Variants in GLT8D2 observed in about 807,000 individuals in gnomAD.
GLT8D2 encodes glycosyltransferase 8 domain containing 2, also known as glycosyltransferase 8 domain-containing protein 2.
Under a neutral mutation model 44.5 loss-of-function variants are expected in GLT8D2, and 45 were observed. The observed-to-expected ratio is 1.01, with a 90% CI of 0.80 to 1.30. The LOEUF (loss-of-function observed/expected upper bound fraction) is 1.30, where lower values mean the gene tolerates loss of function less well. Among genes scored for constraint, GLT8D2 ranks in the 50% most tolerant of loss-of-function variants. The probability of loss-of-function intolerance (pLI) is 0.00; values close to 1 mark genes in which losing one functional copy is unlikely to be tolerated. For missense variants in GLT8D2, 400 were observed against 430.4 expected, an observed-to-expected ratio of 0.93 and a Z score of 0.62; for synonymous variants, 156 against 157.2, an observed-to-expected ratio of 0.99 and a Z score of 0.06.
chr12:104,036,287 C>T (rs1170304887), intron 1 of GLT8D2, among the ~76,000 whole-genome samples: 1 of 152,190 alleles, frequency 6.6e-6, no homozygotes, highest in African/African-American at 2.4e-5. Flanking sequence ...ATCATAATGA[C>T]AGGATCAAAT....
intron 6 of GLT8D2, among the ~76,000 whole-genome samples, chr12:103,998,241 T>C (rs1873734345): frequency 6.6e-6 from 1 of 151,644 alleles, no homozygotes; most frequent in Non-Finnish European, 1.5e-5. Context: ...CTTTTTTTTT[T>C]TTTTCTTTTT....
chr12:104,029,892 C>T (rs1302364494), intron 1 of GLT8D2: 2 of 151,998 alleles, frequency 1.3e-5, no homozygotes, highest in African/African-American at 4.8e-5. Flanking sequence ...AAAGAATCAA[C>T]ATTGTCAAAA....
upstream of GLT8D2, among the ~76,000 whole-genome samples, chr12:104,054,281 T>G (rs1468346587): frequency 6.6e-6 from 1 of 152,156 alleles, no homozygotes; most frequent in African/African-American, 2.4e-5. Flanking sequence ...TTTTTCTGTA[T>G]CTGGCTTATT....
At chr12:104,016,296 A>T (rs1295473394) in intron 3 of GLT8D2, among the ~76,000 whole-genome samples, 1 of 152,084 alleles carries the variant, frequency 6.6e-6, no homozygotes, top group Non-Finnish European at 1.5e-5. Flanking sequence ...ACATGTTCTT[A>T]GCCATTATGA....
intron 1 of GLT8D2, among the ~76,000 whole-genome samples, chr12:104,063,712 C>A (rs1882899649): frequency 1.3e-5 from 2 of 151,838 alleles, no homozygotes; most frequent in South Asian, 4.2e-4. Context: ...TTTTTCAACA[C>A]CTCTCCTTTG....
intron 5 of GLT8D2, among the ~76,000 whole-genome samples, chr12:103,999,879 ATAT>A (rs1287295421): frequency 6.6e-6 from 1 of 152,184 alleles, no homozygotes; most frequent in Non-Finnish European, 1.5e-5. Flanking sequence ...CAGCTCTGAA[ATAT>A]TATGAAACAG....
intron 4 of GLT8D2, chr12:104,012,771 C>T (rs1459317471): frequency 1.4e-6 from 1 of 693,790 alleles, no homozygotes; most frequent in East Asian, 2.7e-5. Context: ...TTTAAAAAGG[C>T]AAATAAGTTA....
intron 1 of GLT8D2, among the ~76,000 whole-genome samples, chr12:104,024,664 G>A (rs1878327361): frequency 6.6e-6 from 1 of 152,064 alleles, no homozygotes. Context: ...CTTTTTGTGT[G>A]TTTATTTACC....
intron 1 of GLT8D2, among the ~76,000 whole-genome samples, chr12:104,062,085 G>T (rs575763325): frequency 6.6e-6 from 1 of 151,504 alleles, no homozygotes; most frequent in South Asian, 2.1e-4. Flanking sequence ...TTGTTTGTTT[G>T]TTTTTTAGAC....
At position 104,021,933 on chromosome 12, in the gene GLT8D2, GAA is replaced by G. The variant is rs1877794563; in HGVS notation, c.-163-444_-163-443del. Among the ~76,000 whole-genome samples the G allele has an allele frequency of 3.6e-4, 9 of 24,860 alleles. No individual in the cohort carries two copies. In the East Asian group the frequency reaches 7.5e-3, roughly 21 times the overall value. The allele number at this position is 24,860 out of a possible 152,430, so 16.3% of individuals were successfully genotyped here. The stretch of plus-strand genomic sequence containing the variant: ...AGAAGAAGAAGAAGAAGAAGAAGAA[GAA>G]GAAGAAGAAGAAGAAGAAGAGGAAG... On this transcript the variant is annotated intron_variant, in intron 1 of 10. Coordinates refer to ENST00000360814, the MANE Select transcript of GLT8D2 (RefSeq NM_001384711.1).
At chr12:104,030,712 T>A in intron 1 of GLT8D2, 1 of 1,609,126 alleles carries the variant, frequency 6.2e-7, no homozygotes, top group Non-Finnish European at 8.5e-7. Flanking sequence ...ATAACTTGAT[T>A]TAAAAATAGG....
chr12:104,036,392 C>T (rs1307361082), intron 1 of GLT8D2, among the ~76,000 whole-genome samples: 1 of 152,126 alleles, frequency 6.6e-6, no homozygotes, highest in East Asian at 1.9e-4. Flanking sequence ...CAAGACCCAT[C>T]AGTGTGCTGT....
chr12:104,045,637 A>T (rs1385999159), intron 1 of GLT8D2, among the ~76,000 whole-genome samples: 1 of 152,184 alleles, frequency 6.6e-6, no homozygotes, highest in East Asian at 1.9e-4. Flanking sequence ...CCAGATGCCA[A>T]AGAGTTTAGG....
chr12:104,040,757 A>T (rs1463416129), intron 1 of GLT8D2, among the ~76,000 whole-genome samples: 1 of 152,098 alleles, frequency 6.6e-6, no homozygotes, highest in Non-Finnish European at 1.5e-5. Flanking sequence ...CCCATTTTCT[A>T]AGTACTATGA....
upstream of GLT8D2, among the ~76,000 whole-genome samples, chr12:104,051,680 TCTAG>T (rs1486939106): frequency 6.6e-6 from 1 of 152,114 alleles, no homozygotes; most frequent in Non-Finnish European, 1.5e-5. Context: ...ATTCCTCCTA[TCTAG>T]CTATAATTTT....
intron 1 of GLT8D2, among the ~76,000 whole-genome samples, chr12:104,035,419 G>GA (rs937995459): frequency 6.6e-6 from 1 of 152,064 alleles, no homozygotes; most frequent in Non-Finnish European, 1.5e-5. Context: ...TAAAAACCTT[G>GA]AAAAAAGATT....
upstream of GLT8D2, chr12:104,064,302 A>G (rs118009294): frequency 0.054 from 21,181 of 390,480 alleles, 680 homozygotes; most frequent in South Asian, 0.11. This position sits in a 1 kb window ranked among gnomAD's most constrained non-coding sequence, Gnocchi z 7.3. Flanking sequence ...AGACGTGGTC[A>G]GTGGGAAGCG....
At chr12:104,016,124 A>G (rs769794478) in intron 3 of GLT8D2, among the ~76,000 whole-genome samples, 40 of 146,844 alleles carry the variant, frequency 2.7e-4, no homozygotes, top group Non-Finnish European at 4.9e-4. Flanking sequence ...ATGTTGAATA[A>G]CAGTGGTGAA....
chr12:104,064,359 C>A, upstream of GLT8D2: 1 of 462,360 alleles, frequency 2.2e-6, no homozygotes, highest in Non-Finnish European at 3.7e-6. This position sits in a 1 kb window ranked among gnomAD's most constrained non-coding sequence, Gnocchi z 7.3. Context: ...CTGGCCAAGT[C>A]GCCTGGGGTG....
Sources: gnomAD v4.1 joint callset for allele counts (sites outside exome capture counted in the v4.1 genomes callset) on GRCh38, gnomAD v4.1.1 for gene constraint, Gnocchi (gnomAD v3.1) non-coding constraint, MANE v1.5 for transcripts, NCBI Gene and HGNC (gene_info 2026-07-23, HGNC 2026-07-21) for gene names.